DCAF6: variants seen among roughly 807,000 people sequenced by gnomAD.
DCAF6 encodes DDB1- and CUL4-associated factor 6.
A neutral mutation model predicts 125.1 loss-of-function variants in DCAF6; 54 were observed. That is an observed-to-expected ratio of 0.43 (90% CI 0.35 to 0.54). The LOEUF (loss-of-function observed/expected upper bound fraction) is 0.54, where lower values mean the gene tolerates loss of function less well. Ranked by LOEUF, DCAF6 falls within the 20% of genes least tolerant of loss-of-function variation. The pLI, the probability that DCAF6 is intolerant of heterozygous loss-of-function variation, is 0.01. For missense variants in DCAF6, 934 were observed against 1,161.7 expected (o/e 0.80, Z 2.85); for synonymous variants, 371 against 390.4 (o/e 0.95, Z 0.58).
At chr1:167,993,800 T>G (rs1488882289) in intron 7 of DCAF6, among the ~76,000 whole-genome samples, 1 of 151,578 alleles carries the variant, frequency 6.6e-6, no homozygotes, top group African/African-American at 2.4e-5. Context: ...TGTCCTTTAT[T>G]CAATTCAGAA....
rs1558062780 is a variant in DCAF6 at position 168,073,964 on chromosome 1, AT to A, written c.2792-1405del. On this transcript the variant is annotated intron_variant, in intron 21 of 21. Transcript: ENST00000367840. ...TTGTTCATTTATTTTATAAATATGT[AT>A]TGAATACATATTTATAAAATAAATG... Among the ~76,000 whole-genome samples, 4 of 144,224 alleles carry A rather than the reference AT, an allele frequency of 2.8e-5. No individual in the cohort carries two copies. The East Asian group carries it at 8.1e-4, about 29-fold the overall frequency. The allele number at this position is 144,224 out of a possible 152,430, so 94.6% of individuals were successfully genotyped here.
At chr1:168,038,238 A>T (rs1688086918) in intron 12 of DCAF6, 133 bp from the exon 13 acceptor site, 1 of 651,718 alleles carries the variant, frequency 1.5e-6, no homozygotes, top group Non-Finnish European at 2.6e-6. Context: ...TCAAACTTTA[A>T]ATGAAACCCA....
the DCAF6 span, among the ~76,000 whole-genome samples, chr1:167,926,189 G>A: frequency 1.3e-5 from 2 of 152,144 alleles, no homozygotes; most frequent in African/African-American, 2.4e-5. Context: ...CGAATTTTCC[G>A]TATTTTAAGT....
intron 10 of DCAF6, among the ~76,000 whole-genome samples, chr1:168,012,868 G>C (rs1464813078): frequency 6.6e-6 from 1 of 152,084 alleles, no homozygotes; most frequent in African/African-American, 2.4e-5. Context: ...TCAAGTTTTA[G>C]AGCATCACTA....
intron 10 of DCAF6, among the ~76,000 whole-genome samples, chr1:168,009,468 T>TCCTTCCTC (rs1472664145): frequency 2.8e-5 from 4 of 143,622 alleles, no homozygotes; most frequent in African/African-American, 7.7e-5. Flanking sequence ...CTCTCTTCCT[T>TCCTTCCTC]CCTCCCTCCC....
At chr1:168,033,010 A>T (rs947690102) in intron 12 of DCAF6, among the ~76,000 whole-genome samples, 5 of 147,218 alleles carry the variant, frequency 3.4e-5, no homozygotes, top group African/African-American at 9.9e-5. Flanking sequence ...AATACTCAGC[A>T]TTTTTTTTTT....
chr1:168,045,189 G>C lies in DCAF6; in HGVS notation c.2220G>C (p.Leu740=), dbSNP rs751163250. ...ATGACAGTGATGATGACCCAGTCCT[G>C]ATCCCAGGTGCAAGGTATCGAGCAG... ...DTDDSDDDPV[L]IPGARYRAGP... The change falls in exon 16 of 22, where the codon CTG becomes CTC. Residue 740 remains leucine, a synonymous_variant. Transcript: ENST00000367840. 6.2e-7 allele frequency: 1 copy of C among 1,613,380 alleles called. No individual in the cohort carries two copies. The highest frequency in any genetic ancestry group is 1.1e-5 in the South Asian group (1 of 90,908).
Position 168,072,322 on chromosome 1 carries a change from A to AAAAG in DCAF6, c.2792-3045_2792-3042dup, listed in dbSNP as rs869094112. Among the ~76,000 whole-genome samples, 262 of 145,462 alleles carry AAAAG rather than the reference A, an allele frequency of 1.8e-3. 2 individuals are homozygous for AAAAG. Among genetic ancestry groups the AAAAG allele is most frequent in the African/African-American group, 6.7e-3 (250 of 37,224 alleles). ...AAAAAAAAAAAAAAAAAAAAAAAAA[A>AAAAG]AAAGAAAAGAAAAGTCTTCCCTGGT... On this transcript the variant is annotated intron_variant, in intron 21 of 21. Transcript: ENST00000367840.
chr1:167,924,600 C>G, the DCAF6 span: 1 of 1,172,672 alleles, frequency 8.5e-7, no homozygotes, highest in Non-Finnish European at 1.2e-6. Context: ...CGTCTTTTAA[C>G]AGCTGTCACC....
the DCAF6 span, chr1:167,899,362 T>C: frequency 1.3e-6 from 2 of 1,544,888 alleles, no homozygotes; most frequent in East Asian, 4.5e-5. Flanking sequence ...GTGACTCTTC[T>C]GGCAGGGGGC....
the DCAF6 span, among the ~76,000 whole-genome samples, chr1:167,925,460 TATATATATATATATAC>T: frequency 5.2e-3 from 603 of 115,238 alleles, 4 homozygotes; most frequent in African/African-American, 0.021. Context: ...TATATATATA[TATATATATATATATAC>T]ATATACATAT....
the DCAF6 span, among the ~76,000 whole-genome samples, chr1:167,906,481 A>G: frequency 6.6e-6 from 1 of 152,106 alleles, no homozygotes; most frequent in Non-Finnish European, 1.5e-5. Context: ...TTGGTGCTAT[A>G]TGAACTTTTA....
the DCAF6 span, among the ~76,000 whole-genome samples, chr1:167,888,809 G>GAGCGTGCAGTGAACCGA: frequency 1.4e-5 from 2 of 148,090 alleles, no homozygotes; most frequent in South Asian, 4.3e-4. Context: ...CCGGGAGGCG[G>GAGCGTGCAGTGAACCGA]AGCGTGCAGT....
intron 13 of DCAF6, among the ~76,000 whole-genome samples, chr1:168,041,215 T>G (rs1241997885): frequency 6.6e-6 from 1 of 152,044 alleles, no homozygotes; most frequent in Non-Finnish European, 1.5e-5. Flanking sequence ...TTAGCTACAG[T>G]TCTCATCTTT....
chr1:167,899,993 G>C, the DCAF6 span, among the ~76,000 whole-genome samples: 1 of 152,208 alleles, frequency 6.6e-6, no homozygotes, highest in Non-Finnish European at 1.5e-5. Context: ...AGCAGAGATT[G>C]AAGCTGTAAC....
chr1:167,902,850 C>T, the DCAF6 span, among the ~76,000 whole-genome samples: 1 of 152,242 alleles, frequency 6.6e-6, no homozygotes, highest in Non-Finnish European at 1.5e-5. Context: ...AGTGCTTCAG[C>T]ATCCATCATT....
chr1:167,905,222 G>A, the DCAF6 span: 1 of 1,453,418 alleles, frequency 6.9e-7, no homozygotes, highest in African/African-American at 1.4e-5. Flanking sequence ...TGAAATAGAG[G>A]AAATCTGATA....
At chr1:168,016,084 C>G in intron 11 of DCAF6, 133 bp downstream of exon 11, 1 of 672,600 alleles carries the variant, frequency 1.5e-6, no homozygotes, top group Non-Finnish European at 2.0e-6. Context: ...CCTTTCCTTG[C>G]ATATGGGTGG....
the DCAF6 span, among the ~76,000 whole-genome samples, chr1:167,895,375 G>T: frequency 6.6e-6 from 1 of 152,016 alleles, no homozygotes; most frequent in Non-Finnish European, 1.5e-5. Flanking sequence ...ATCAATGTTT[G>T]TACAGTCTCC....
Sources: allele counts gnomAD v4.1 joint callset (sites outside exome capture counted in the v4.1 genomes callset), GRCh38; gene constraint gnomAD v4.1.1; transcripts MANE v1.5; gene names NCBI Gene and HGNC (gene_info 2026-07-23, HGNC 2026-07-21).